The following ZNF19 variants were observed in gnomAD, a reference collection of about 807,000 sequenced individuals.
ZNF19 encodes the protein zinc finger protein 19, also known as zinc finger protein 19 (KOX 12).
ZNF19 carries 11 observed loss-of-function variants against 13.1 expected under a neutral mutation model. The ratio of observed to expected loss-of-function variants is 0.84; its 90% confidence interval spans 0.53 to 1.39. The LOEUF is 1.39. Among genes scored for constraint, ZNF19 ranks in the 40% most tolerant of loss-of-function variants. The pLI, the probability that ZNF19 is intolerant of heterozygous loss-of-function variation, is 0.00. For synonymous variants in ZNF19, 186 were observed against 187.0 expected (o/e 0.99, Z 0.04); for missense variants, 560 against 547.0 (o/e 1.02, Z -0.24).
chr16:71,485,311 G>C (rs1184729745), intron 1 of ZNF19, among the ~76,000 whole-genome samples: 1 of 151,958 alleles, frequency 6.6e-6, no homozygotes, highest in African/African-American at 2.4e-5. Context: ...TTAGCCAGGC[G>C]TAATGGCGGG....
intron 1 of ZNF19, among the ~76,000 whole-genome samples, chr16:71,488,119 G>T (rs2043692160): frequency 6.6e-6 from 1 of 152,108 alleles, no homozygotes; most frequent in African/African-American, 2.4e-5. Context: ...CAGCACTTTG[G>T]GAGGCCAAGG....
chr16:71,475,423 T>C lies in ZNF19; in HGVS notation c.1124A>G (p.His375Arg), dbSNP rs781756882. Reference protein sequence around the residue: ...AFSAQEQLKRHLRIHTQESSY... With the variant: ...AFSAQEQLKRRLRIHTQESSY... Reference sequence around the variant, plus strand: ...AGACTCCTGAGTATGAATTCTCAGATGCCTTTTTAATTGTTCCTGAGCACT... The same window carrying C: ...AGACTCCTGAGTATGAATTCTCAGACGCCTTTTTAATTGTTCCTGAGCACT... Residue 375 changes from histidine (H) to arginine (R), a missense_variant, in exon 6 of 6, where the codon CAT becomes CGT. By Grantham distance (29) the His-to-Arg change is conservative. Transcript: ENST00000288177. 2 of 1,614,204 alleles carry C rather than the reference T, an allele frequency of 1.2e-6. 1 individual carries two copies. Among genetic ancestry groups the C allele is most frequent in the Non-Finnish European group, 1.7e-6 (2 of 1,180,030 alleles).
chr16:71,484,473 G>T, intron 2 of ZNF19, 116 bp downstream of exon 2: 1 of 979,318 alleles, frequency 1.0e-6, no homozygotes. Context: ...CCCGGTCCCG[G>T]AGGGGCCGCC....
chr16:71,475,333 C>A lies in ZNF19; in HGVS notation c.1214G>T (p.Arg405Ile), dbSNP rs563994416. Residue 405 changes from arginine (R) to isoleucine (I), a missense_variant, in exon 6 of 6, where the codon AGA becomes ATA. Arg to Ile is a moderately conservative substitution (Grantham distance 97). Coordinates refer to ENST00000288177, the MANE Select transcript of ZNF19 (RefSeq NM_006961.4). ...TSKRNLHQHQ[R>I]IHTGEKPYEC... The stretch of plus-strand genomic sequence containing the variant: ...ATAGGGTTTCTCTCCAGTATGGATT[C>A]TTTGATGCTGATGAAGATTTCTTTT... 6.8e-6 allele frequency: 11 copies of A among 1,613,772 alleles called. No individual in the cohort carries two copies. The African/African-American group carries it at 1.3e-4, about 20-fold the overall frequency.
chr16:71,486,658 T>C (rs1395502526), intron 1 of ZNF19, among the ~76,000 whole-genome samples: 1 of 152,206 alleles, frequency 6.6e-6, no homozygotes, highest in East Asian at 1.9e-4. Context: ...AAATTAGTGT[T>C]GTTTTACGCC....
chr16:71,485,353 G>T (rs1178808204), intron 1 of ZNF19, among the ~76,000 whole-genome samples: 2 of 151,880 alleles, frequency 1.3e-5, no homozygotes. Context: ...GGGAGGCTGA[G>T]GCAGGAGAAT....
At chr16:71,486,193 A>G (rs1484601040) in intron 1 of ZNF19, among the ~76,000 whole-genome samples, 1 of 151,864 alleles carries the variant, frequency 6.6e-6, no homozygotes, top group African/African-American at 2.4e-5. Context: ...AAAAAAAAAA[A>G]AAAAAATTCC....
In ZNF19 at chr16:71,474,808, C is replaced by T. The variant is rs899179195; in HGVS notation, c.*362G>A. On this transcript the variant is annotated 3_prime_UTR_variant, in exon 6 of 6. Coordinates refer to ENST00000288177, the MANE Select transcript of ZNF19 (RefSeq NM_006961.4). ...TTATTGGCTGCTGCAATTCAAAAACCCGTATATATTTTTAGCTTCAGGCAT... is the reference window on the plus strand; with the variant it reads ...TTATTGGCTGCTGCAATTCAAAAACTCGTATATATTTTTAGCTTCAGGCAT... 2.2e-5 allele frequency: 4 copies of T among 181,330 alleles called. No individual in the cohort carries two copies. Among genetic ancestry groups the T allele is most frequent in the African/African-American group, 9.4e-5 (4 of 42,360 alleles). The allele number at this position is 181,330 out of a possible 1,614,324, so 11.2% of individuals were successfully genotyped here. A position where few individuals can be genotyped will look rare whatever the true frequency, so the allele number is the denominator to read the frequency against.
intron 5 of ZNF19, 149 bp from the exon 6 acceptor site, chr16:71,476,421 C>A: frequency 2.2e-6 from 2 of 894,632 alleles, no homozygotes; most frequent in Non-Finnish European, 3.3e-6. Context: ...GTGAAAGTGC[C>A]AAATATCACA....
chr16:71,477,483 C>G (rs1423199001), intron 5 of ZNF19, among the ~76,000 whole-genome samples: 1 of 152,054 alleles, frequency 6.6e-6, no homozygotes, highest in Non-Finnish European at 1.5e-5. Flanking sequence ...CTCTTGGTGG[C>G]CCCCATCTAT....
At chr16:71,476,900 C>T (rs1032328308) in intron 5 of ZNF19, among the ~76,000 whole-genome samples, 18 of 152,258 alleles carry the variant, frequency 1.2e-4, no homozygotes, top group African/African-American at 3.4e-4. Flanking sequence ...GATGAGGAAA[C>T]GCCCTAAAAC....
chr16:71,478,750 G>T, intron 4 of ZNF19, 129 bp downstream of exon 4: 1 of 1,326,300 alleles, frequency 7.5e-7, no homozygotes, highest in Non-Finnish European at 1.0e-6. Flanking sequence ...CCTCAGCTCT[G>T]CAGTCACTCA....
intron 3 of ZNF19, among the ~76,000 whole-genome samples, chr16:71,481,617 C>T (rs1391173088): frequency 6.6e-6 from 1 of 152,190 alleles, no homozygotes; most frequent in Non-Finnish European, 1.5e-5. Flanking sequence ...ACATATGTTT[C>T]CTGATTCTGA....
At chr16:71,476,856 T>C (rs979883094) in intron 5 of ZNF19, among the ~76,000 whole-genome samples, 3 of 152,044 alleles carry the variant, frequency 2.0e-5, no homozygotes, top group African/African-American at 7.2e-5. Context: ...AGTTCAGAGG[T>C]TCTTAACTGC....
At chr16:71,486,500 A>T (rs2043679540) in intron 1 of ZNF19, among the ~76,000 whole-genome samples, 6 of 152,250 alleles carry the variant, frequency 3.9e-5, no homozygotes. Flanking sequence ...ACTGGCTTTG[A>T]AGATGGAGGA....
chr16:71,478,491 G>A (rs1387232089), intron 4 of ZNF19, 150 bp from the exon 5 acceptor site: 1 of 721,948 alleles, frequency 1.4e-6, no homozygotes, highest in Non-Finnish European at 2.5e-6. Flanking sequence ...AGGAAACTGA[G>A]CATTTGTGAC....
chr16:71,481,951 G>T, intron 3 of ZNF19, 131 bp downstream of exon 3: 1 of 930,542 alleles, frequency 1.1e-6, no homozygotes, highest in Non-Finnish European at 1.7e-6. Context: ...CCAGCACCCA[G>T]TCCTACTGGA....
intron 2 of ZNF19, 144 bp from the exon 3 acceptor site, chr16:71,482,287 C>T (rs745696659): frequency 5.1e-5 from 34 of 662,534 alleles, no homozygotes; most frequent in Admixed American, 1.0e-4. Flanking sequence ...ACTTTTTAAT[C>T]CACATCATAC....
rs1160554421 is a variant in ZNF19, at chr16:71,474,788, G to A, written c.*382C>T. 1 of 169,244 alleles carries A rather than the reference G, an allele frequency of 5.9e-6. No individual in the cohort carries two copies. The highest frequency in any genetic ancestry group is 1.7e-4 in the East Asian group (1 of 5,878). The allele number at this position is 169,244 out of a possible 1,614,324, so 10.5% of individuals were successfully genotyped here. A position where few individuals can be genotyped will look rare whatever the true frequency, so the allele number is the denominator to read the frequency against. On this transcript the variant is annotated 3_prime_UTR_variant, in exon 6 of 6. Coordinates refer to ENST00000288177, the MANE Select transcript of ZNF19 (RefSeq NM_006961.4). ...CAACCAAACAAAAATGGAATTTATTGGCTGCTGCAATTCAAAAACCCGTAT... is the reference window on the plus strand; with the variant it reads ...CAACCAAACAAAAATGGAATTTATTAGCTGCTGCAATTCAAAAACCCGTAT...
Sources: gnomAD v4.1 joint callset for allele counts (sites outside exome capture counted in the v4.1 genomes callset) on GRCh38, gnomAD v4.1.1 for gene constraint, MANE v1.5 for transcripts, NCBI Gene and HGNC (gene_info 2026-07-23, HGNC 2026-07-21) for gene names.